CREBRF: variants seen among roughly 807,000 people sequenced by gnomAD.
CREBRF encodes the protein CREB3 regulatory factor.
Under a neutral mutation model 66.1 loss-of-function variants are expected in CREBRF, and 5 were observed. That is an observed-to-expected ratio of 0.08 (90% CI 0.04 to 0.16). CREBRF has a LOEUF of 0.16. Ranked by LOEUF, CREBRF falls within the 10% of genes least tolerant of loss-of-function variation. The pLI is 1.00. For missense variants in CREBRF, 531 were observed against 744.9 expected (o/e 0.71, Z 3.34); for synonymous variants, 229 against 264.4 (o/e 0.87, Z 1.30).
intron 6 of CREBRF, 75 bp downstream of exon 6, chr5:173,110,786 A>G (rs1758853040): frequency 1.0e-6 from 1 of 970,640 alleles, no homozygotes; most frequent in Non-Finnish European, 1.5e-6. Flanking sequence ...GTTTTTATAG[A>G]AGGACAACAA....
chr5:173,119,926 T>A (rs1428446352), intron 7 of CREBRF, among the ~76,000 whole-genome samples: 8 of 152,334 alleles, frequency 5.3e-5, no homozygotes, highest in African/African-American at 1.9e-4. Flanking sequence ...TTGTTAATAT[T>A]TGGATGTTAA....
chr5:173,063,796 C>G (rs1757352627), intron 1 of CREBRF, among the ~76,000 whole-genome samples: 1 of 151,898 alleles, frequency 6.6e-6, no homozygotes, highest in Non-Finnish European at 1.5e-5. Context: ...AATCTCTGCC[C>G]CTGCGACCTT....
chr5:173,132,827 G>A (rs567859051), intron 8 of CREBRF, among the ~76,000 whole-genome samples: 3 of 150,518 alleles, frequency 2.0e-5, no homozygotes, highest in South Asian at 2.1e-4. Flanking sequence ...TTGAACTTCC[G>A]ACCTCAGGTG....
intron 1 of CREBRF, among the ~76,000 whole-genome samples, chr5:173,063,122 G>C (rs574529945): frequency 6.6e-6 from 1 of 152,134 alleles, no homozygotes; most frequent in Non-Finnish European, 1.5e-5. Context: ...TTTGACGCAG[G>C]GTGCGGCAGT....
At chr5:173,105,584 C>T (rs1206720125) in intron 4 of CREBRF, among the ~76,000 whole-genome samples, 1 of 152,130 alleles carries the variant, frequency 6.6e-6, no homozygotes, top group African/African-American at 2.4e-5. Context: ...TCTCCTGCCT[C>T]AGCCTCCTGA....
intron 4 of CREBRF, 70 bp from the exon 5 acceptor site, chr5:173,108,554 G>T: frequency 8.0e-7 from 1 of 1,255,428 alleles, no homozygotes; most frequent in Non-Finnish European, 1.1e-6. Context: ...AATAGAAGGG[G>T]TCTTTTCATT....
In CREBRF at chr5:173,127,616, C is replaced by T. The variant is rs530521091; in HGVS notation, c.1804+4414C>T. Among the ~76,000 whole-genome samples, 7 of 151,316 alleles carry T rather than the reference C, an allele frequency of 4.6e-5. No homozygotes were observed. In the South Asian group the frequency reaches 6.3e-4, roughly 14 times the overall value. Reference sequence around the variant, plus strand: ...CTGGGACTACAGGCGCATGCCACCGCGCCCGGCTAATTTTTGTATTTTTAG... The same window carrying T: ...CTGGGACTACAGGCGCATGCCACCGTGCCCGGCTAATTTTTGTATTTTTAG... On this transcript the variant is annotated intron_variant, in intron 8 of 8. Coordinates refer to ENST00000296953, the MANE Select transcript of CREBRF (RefSeq NM_153607.3).
chr5:173,074,024 C>T lies in CREBRF; in HGVS notation c.-191-6561C>T, dbSNP rs144293227. ...ATAAATAAATAGTTTTCTTTTTGGC[C>T]GGTTGCGGTGGCTCATGCCTGCAAT... On this transcript the variant is annotated intron_variant, in intron 1 of 8. Transcript: ENST00000296953. 5.1e-3 allele frequency among the ~76,000 whole-genome samples: 713 copies of T among 140,800 alleles called. 3 individuals are homozygous for T. The highest frequency in any genetic ancestry group is 0.02 in the African/African-American group (681 of 34,822). The allele number at this position is 140,800 out of a possible 152,430, so 92.4% of individuals were successfully genotyped here. A position where few individuals can be genotyped will look rare whatever the true frequency, so the allele number is the denominator to read the frequency against.
intron 8 of CREBRF, among the ~76,000 whole-genome samples, chr5:173,127,910 C>A (rs769080871): frequency 6.6e-6 from 1 of 152,032 alleles, no homozygotes; most frequent in African/African-American, 2.4e-5. Context: ...TTTTTGATTT[C>A]TTCTATATCT....
chr5:173,105,025 C>T (rs555439568), intron 4 of CREBRF, among the ~76,000 whole-genome samples: 1 of 152,178 alleles, frequency 6.6e-6, no homozygotes, highest in Admixed American at 6.5e-5. Context: ...AGTTGTGGGG[C>T]CTGACTTAGT....
chr5:173,120,189 C>G (rs992541412), intron 7 of CREBRF, among the ~76,000 whole-genome samples: 3 of 151,912 alleles, frequency 2.0e-5, no homozygotes, highest in African/African-American at 7.2e-5. Flanking sequence ...ACCATGATCT[C>G]TCTTTCTTTT....
At chr5:173,059,016 C>T (rs913569031) in intron 1 of CREBRF, among the ~76,000 whole-genome samples, 14 of 151,380 alleles carry the variant, frequency 9.2e-5, no homozygotes, top group Admixed American at 2.0e-4. Flanking sequence ...TCAGGCTGGT[C>T]TCGAACTTCT....
chr5:173,064,659 G>A (rs920578062), intron 1 of CREBRF, among the ~76,000 whole-genome samples: 2 of 151,836 alleles, frequency 1.3e-5, no homozygotes, highest in African/African-American at 2.4e-5. Flanking sequence ...CCACCTCCCG[G>A]GTTCAAGCGA....
chr5:173,110,835 ATAT>A, intron 6 of CREBRF, 124 bp downstream of exon 6: 1 of 664,924 alleles, frequency 1.5e-6, no homozygotes, highest in East Asian at 3.0e-5. Context: ...TACAATGAGA[ATAT>A]TATAATTTTT....
intron 5 of CREBRF, chr5:173,109,586 T>A (rs1270784399): frequency 1.3e-5 from 2 of 152,192 alleles, no homozygotes; most frequent in African/African-American, 4.8e-5. Flanking sequence ...TTTAAATTAA[T>A]CCATAGTTTC....
intron 4 of CREBRF, among the ~76,000 whole-genome samples, chr5:173,094,702 G>T (rs10038814): frequency 0.061 from 9,353 of 152,126 alleles, 343 homozygotes; most frequent in Middle Eastern, 0.17. Context: ...TGTATGGTTT[G>T]CAGATATTTT....
chr5:173,081,588 A>G (rs1276667782), intron 2 of CREBRF, among the ~76,000 whole-genome samples: 1 of 152,136 alleles, frequency 6.6e-6, no homozygotes, highest in African/African-American at 2.4e-5. Flanking sequence ...GGAGACAGGC[A>G]GAAGAGGTAA....
At chr5:173,096,420 C>T (rs894379588) in intron 4 of CREBRF, among the ~76,000 whole-genome samples, 6 of 114,854 alleles carry the variant, frequency 5.2e-5, no homozygotes, top group African/African-American at 1.8e-4. Flanking sequence ...CTTTTCCCTT[C>T]CCTTCCCTTC....
intron 2 of CREBRF, among the ~76,000 whole-genome samples, chr5:173,081,561 G>T (rs1757942907): frequency 6.6e-6 from 1 of 152,092 alleles, no homozygotes; most frequent in Non-Finnish European, 1.5e-5. Context: ...CAATTTGCTG[G>T]GATTGTCTGG....
Sources: allele counts gnomAD v4.1 joint callset (sites outside exome capture counted in the v4.1 genomes callset), GRCh38; gene constraint gnomAD v4.1.1; transcripts MANE v1.5; gene names NCBI Gene and HGNC (gene_info 2026-07-23, HGNC 2026-07-21).